The following PPP1R9B variants were observed in gnomAD, a reference collection of about 807,000 sequenced individuals.
The protein encoded by PPP1R9B is neurabin-2.
Under a neutral mutation model 75.8 loss-of-function variants are expected in PPP1R9B, and 17 were observed. That is an observed-to-expected ratio of 0.22 (90% CI 0.15 to 0.34). The LOEUF is 0.34. Among genes scored for constraint, PPP1R9B ranks in the 10% least tolerant of loss-of-function variants. PPP1R9B has a pLI of 1.00. For missense variants in PPP1R9B, 875 were observed against 1,196.0 expected, an observed-to-expected ratio of 0.73 and a Z score of 3.96; for synonymous variants, 509 against 535.4, an observed-to-expected ratio of 0.95 and a Z score of 0.68.
chr17:50,145,035 G>T, intron 2 of PPP1R9B, 78 bp downstream of exon 2: 1 of 1,541,080 alleles, frequency 6.5e-7, no homozygotes. Flanking sequence ...TGAGGGCACA[G>T]GGCAGGAGCT....
At position 50,149,332 on chromosome 17, in the gene PPP1R9B, G is replaced by C; in HGVS notation, c.1182C>G (p.Asp394Glu). The C allele has an allele frequency of 1.2e-6, 2 of 1,613,328 alleles. No individual in the cohort carries two copies. Among genetic ancestry groups the C allele is most frequent in the Non-Finnish European group, 1.7e-6 (2 of 1,179,734 alleles). The part of the protein sequence containing the change: ...KEDFSEADLV[D>E]VSAYSGLGED... ...CCCCGAGCCCACTGTAGGCGCTCAC[G>C]TCCACCAAGTCCGCCTCCGAGAAGT... The change falls in exon 1 of 10, where the codon GAC becomes GAG. Residue 394 changes from aspartate to glutamate, a missense_variant. By Grantham distance (45) the Asp-to-Glu change is conservative. Coordinates refer to ENST00000612501, the MANE Select transcript of PPP1R9B (RefSeq NM_032595.5). The surrounding 1 kb of genome is among the most constrained non-coding windows in gnomAD (Gnocchi z 7.2).
At chr17:50,137,707 T>G (rs1277912506) in intron 7 of PPP1R9B, among the ~76,000 whole-genome samples, 1 of 152,146 alleles carries the variant, frequency 6.6e-6, no homozygotes, top group East Asian at 1.9e-4. Context: ...ACATACCCCA[T>G]GCTATCTGTA....
At chr17:50,146,443 T>C in intron 1 of PPP1R9B, among the ~76,000 whole-genome samples, 1 of 152,112 alleles carries the variant, frequency 6.6e-6, no homozygotes, top group Non-Finnish European at 1.5e-5. Context: ...CCAAGGGCCC[T>C]TGTCAGGGCC....
chr17:50,141,540 G>A (rs1912378787), intron 3 of PPP1R9B, among the ~76,000 whole-genome samples, 167 bp from the exon 4 acceptor site: 1 of 151,932 alleles, frequency 6.6e-6, no homozygotes, highest in African/African-American at 2.4e-5. Context: ...GCACGTGCCT[G>A]TAGTCCCAGT....
At chr17:50,148,685 C>T (rs1378944741) in intron 1 of PPP1R9B, among the ~76,000 whole-genome samples, 3 of 152,256 alleles carry the variant, frequency 2.0e-5, no homozygotes, top group African/African-American at 7.2e-5. Context: ...CCTTTCTCAC[C>T]TCATCCAGCT....
chr17:50,142,696 A>G lies in PPP1R9B; in HGVS notation c.1625+902T>C, dbSNP rs1329057194. On this transcript the variant is annotated intron_variant, in intron 3 of 9. Transcript: ENST00000612501. This position sits in a 1 kb window ranked among gnomAD's most constrained non-coding sequence, Gnocchi z 4.1. ...TGGGGGATGCCCTACAGCCCTTCCT[A>G]CTGCCACTCCCCACACCCCTGGAAT... Among the ~76,000 whole-genome samples the G allele has an allele frequency of 6.6e-6, 1 of 151,994 alleles. No homozygotes were observed. The highest frequency in any genetic ancestry group is 1.5e-5 in the Non-Finnish European group (1 of 67,976).
rs912270763 is a variant in PPP1R9B, at chr17:50,150,561, T to TG, written c.-49_-48insC. ...TGCCCCTGCTCCCCGCTCCCCCGCT[T>TG]CAACAGGCGGCTGGCCAAGTCGGGA... On this transcript the variant is annotated 5_prime_UTR_variant, in exon 1 of 10. Transcript: ENST00000612501. This position sits in a 1 kb window ranked among gnomAD's most constrained non-coding sequence, Gnocchi z 8.7. 1.2e-5 allele frequency: 15 copies of TG among 1,256,832 alleles called. No homozygotes were observed. The highest frequency in any genetic ancestry group is 1.4e-5 in the Non-Finnish European group (14 of 1,001,948). 77.9% of individuals were successfully genotyped at this position (1,256,832 alleles called of 1,614,324 possible).
In PPP1R9B at chr17:50,135,183, C is replaced by A. The variant is rs1912188070; in HGVS notation, c.*148G>T. The A allele has an allele frequency of 5.3e-5, 33 of 618,546 alleles. 1 individual carries two copies. The East Asian group carries it at 9.4e-4, about 18-fold the overall frequency. The allele number at this position is 618,546 out of a possible 1,614,324, so 38.3% of individuals were successfully genotyped here. ...GCCTGTGATATGAGCCCTCTGGTCC[C>A]TGAAGCTGGGGGAGGTGGGGTGGAG... On this transcript the variant is annotated 3_prime_UTR_variant, in exon 10 of 10. Coordinates refer to ENST00000612501, the MANE Select transcript of PPP1R9B (RefSeq NM_032595.5).
intron 2 of PPP1R9B, among the ~76,000 whole-genome samples, chr17:50,144,377 C>T (rs538958103): frequency 7.0e-4 from 107 of 152,286 alleles, no homozygotes; most frequent in South Asian, 2.3e-3. Flanking sequence ...CACCCACACC[C>T]GCTCTGCCAT....
Position 50,135,559 on chromosome 17 carries a change from C to T in PPP1R9B, c.2394G>A (p.Leu798=). The T allele has an allele frequency of 6.2e-7, 1 of 1,610,192 alleles. No homozygotes were observed. The highest frequency in any genetic ancestry group is 8.5e-7 in the Non-Finnish European group (1 of 1,177,956). Residue 798 remains leucine, a synonymous_variant, in exon 9 of 10, where the codon CTG becomes CTA. Coordinates refer to ENST00000612501, the MANE Select transcript of PPP1R9B (RefSeq NM_032595.5). ...LARKEEMDKL[L]DKISELEGNL... ...CAGGGCGCCCCAGGCCCACCTTGTCCAGGAGCTTGTCCATCTCCTCCTTTC... is the reference window on the plus strand; with the variant it reads ...CAGGGCGCCCCAGGCCCACCTTGTCTAGGAGCTTGTCCATCTCCTCCTTTC...
intron 3 of PPP1R9B, 103 bp from the exon 4 acceptor site, chr17:50,141,476 T>G: frequency 1.1e-5 from 7 of 655,614 alleles, no homozygotes; most frequent in Non-Finnish European, 1.8e-5. Context: ...CCTGAGTACA[T>G]AGTGAGAACT....
rs551620608 is a variant in PPP1R9B at position 50,139,002 on chromosome 17, C to T, written c.2073+261G>A. Among the ~76,000 whole-genome samples, 90 of 152,354 alleles carry T rather than the reference C, an allele frequency of 5.9e-4. No individual in the cohort carries two copies. The highest frequency in any genetic ancestry group is 2.1e-3 in the African/African-American group (87 of 41,582). ...TGTGTTATCTCATTTAATCCCACAACGATCCTGTGGTGTTGGTGCTATTAC... is the reference window on the plus strand; with the variant it reads ...TGTGTTATCTCATTTAATCCCACAATGATCCTGTGGTGTTGGTGCTATTAC... On this transcript the variant is annotated intron_variant, in intron 7 of 9. Transcript: ENST00000612501. The surrounding 1 kb of genome is among the most constrained non-coding windows in gnomAD (Gnocchi z 5.0).
At chr17:50,143,431 G>A (rs1912437088) in intron 3 of PPP1R9B, among the ~76,000 whole-genome samples, 167 bp downstream of exon 3, 1 of 152,204 alleles carries the variant, frequency 6.6e-6, no homozygotes, top group Admixed American at 6.5e-5. Flanking sequence ...TCTGGGGCCT[G>A]GAACAGCACC....
At position 50,139,674 on chromosome 17, in the gene PPP1R9B, G is replaced by A; in HGVS notation, c.1867-93C>T. On this transcript the variant is annotated intron_variant, in intron 5 of 9. Coordinates refer to ENST00000612501, the MANE Select transcript of PPP1R9B (RefSeq NM_032595.5). This position sits in a 1 kb window ranked among gnomAD's most constrained non-coding sequence, Gnocchi z 5.0. ...TGGGACCAGTTGCCCATGCCAGACA[G>A]AGAGCTACCCAGGAATGTGGTTCAT... The A allele has an allele frequency of 2.1e-6, 3 of 1,401,154 alleles. No individual in the cohort carries two copies. Among genetic ancestry groups the A allele is most frequent in the Non-Finnish European group, 2.9e-6 (3 of 1,040,300 alleles). The allele number at this position is 1,401,154 out of a possible 1,614,324, so 86.8% of individuals were successfully genotyped here.
At position 50,135,376 on chromosome 17, in the gene PPP1R9B, T is replaced by G; in HGVS notation, c.2409A>C (p.Glu803Asp). The change falls in exon 10 of 10, where the codon GAA (glutamate) becomes GAC (aspartate). Residue 803 changes from glutamate to aspartate, a missense_variant. Coordinates refer to ENST00000612501, the MANE Select transcript of PPP1R9B (RefSeq NM_032595.5). Reference protein sequence around the residue: ...EMDKLLDKISELEGNLQTLRN... With the variant: ...EMDKLLDKISDLEGNLQTLRN... ...TCAGTGTTTGCAAGTTTCCTTCCAG[T>G]TCTGAGATCTGGAAAACAAAGGAGG... 3.1e-6 allele frequency: 5 copies of G among 1,613,600 alleles called. No individual in the cohort carries two copies. The highest frequency in any genetic ancestry group is 4.2e-6 in the Non-Finnish European group (5 of 1,179,622).
At chr17:50,148,805 C>T (rs1912589513) in intron 1 of PPP1R9B, among the ~76,000 whole-genome samples, 1 of 152,244 alleles carries the variant, frequency 6.6e-6, no homozygotes, top group Non-Finnish European at 1.5e-5. Context: ...CCTCTGGCAG[C>T]CTCTGGAGGA....
chr17:50,146,369 G>T (rs754352235), intron 1 of PPP1R9B, among the ~76,000 whole-genome samples: 5 of 152,144 alleles, frequency 3.3e-5, no homozygotes, highest in Non-Finnish European at 5.9e-5. Context: ...GGGAGGGATG[G>T]GGAACAGCTC....
chr17:50,142,070 G>A lies in PPP1R9B; in HGVS notation c.1626-697C>T, dbSNP rs922991695. ...GATGTCCTCCCAAGTCCCCAAGACC[G>A]AATGGCACTCTCTCGAGTTCACACA... On this transcript the variant is annotated intron_variant, in intron 3 of 9. Transcript: ENST00000612501. The surrounding 1 kb of genome is among the most constrained non-coding windows in gnomAD (Gnocchi z 4.1). Among the ~76,000 whole-genome samples, 4 of 152,140 alleles carry A rather than the reference G, an allele frequency of 2.6e-5. No homozygotes were observed. Among genetic ancestry groups the A allele is most frequent in the African/African-American group, 4.8e-5 (2 of 41,422 alleles).
In PPP1R9B at chr17:50,139,276, T is replaced by A; in HGVS notation, c.2060A>T (p.Gln687Leu). 6.2e-7 allele frequency: 1 copy of A among 1,614,072 alleles called. No individual in the cohort carries two copies. Among genetic ancestry groups the A allele is most frequent in the Non-Finnish European group, 8.5e-7 (1 of 1,179,902 alleles). ...KHAVTEAEIQ[Q>L]LKRKLQSLEQ... ...ACGCACCCTTACCTTTCTTTTCAGC[T>A]GCTGGATCTCTGCCTCAGTGACCGC... is the stretch of plus-strand genomic sequence containing the variant. The change falls in exon 7 of 10, where the codon CAG becomes CTG. Residue 687 changes from glutamine (Q) to leucine (L), a missense_variant. Physicochemically the swap from Gln to Leu is moderately radical, Grantham distance 113. Transcript: ENST00000612501. The surrounding 1 kb of genome is among the most constrained non-coding windows in gnomAD (Gnocchi z 5.0).
Sources: gnomAD v4.1 joint callset for allele counts (sites outside exome capture counted in the v4.1 genomes callset) on GRCh38, gnomAD v4.1.1 for gene constraint, Gnocchi (gnomAD v3.1) non-coding constraint, MANE v1.5 for transcripts, NCBI Gene and HGNC (gene_info 2026-07-23, HGNC 2026-07-21) for gene names.